Variants in CARMIL3 observed in about 807,000 individuals in gnomAD.
The protein encoded by CARMIL3 is capping protein regulator and myosin 1 linker 3, also known as capping protein, Arp2/3 and myosin-I linker protein 3.
A neutral mutation model predicts 180.8 loss-of-function variants in CARMIL3; 88 were observed. The observed-to-expected ratio is 0.49, with a 90% CI of 0.41 to 0.58. The LOEUF is 0.58. Among genes scored for constraint, CARMIL3 ranks in the 20% least tolerant of loss-of-function variants. CARMIL3 has a pLI of 0.00. For synonymous variants in CARMIL3, 696 were observed against 714.5 expected, an observed-to-expected ratio of 0.97 and a Z score of 0.41; for missense variants, 1,548 against 1,787.0, an observed-to-expected ratio of 0.87 and a Z score of 2.41.
At chr14:24,056,479 T>C in intron 11 of CARMIL3, 86 bp downstream of exon 11, 10 of 1,491,070 alleles carry the variant, frequency 6.7e-6, no homozygotes, top group Non-Finnish European at 9.3e-6. Flanking sequence ...ACAGCAGCTC[T>C]CCAGCCTGAT....
At chr14:24,067,731 T>C (rs2035801195) in intron 36 of CARMIL3, among the ~76,000 whole-genome samples, 1 of 152,254 alleles carries the variant, frequency 6.6e-6, no homozygotes, top group South Asian at 2.1e-4. Flanking sequence ...GAAACCGCAA[T>C]AGTCAGTTGC....
rs1479358644 is a variant in CARMIL3, at chr14:24,059,374, C to T, written c.1731C>T (p.Ser577=). Residue 577 remains serine, a synonymous_variant, in exon 21 of 40, where the codon AGC becomes AGT. Transcript: ENST00000342740. The surrounding 1 kb of genome is among the most constrained non-coding windows in gnomAD (Gnocchi z 6.3). ...SNTCLAKVDL[S]GNGMEDIGAK... ...CCTGCCTGGCCAAGGTGGATCTGAG[C>T]GGCAATGGCATGGAGGACATCGGGG... 2.5e-6 allele frequency: 4 copies of T among 1,612,690 alleles called. No homozygotes were observed. The Admixed American group carries it at 5.0e-5, about 20-fold the overall frequency.
rs374562014 is a variant in CARMIL3 at position 24,054,260 on chromosome 14, G to A, written c.205G>A (p.Val69Ile). 3 of 1,614,044 alleles carry A rather than the reference G, an allele frequency of 1.9e-6. No homozygotes were observed. The change falls in exon 4 of 40, where the codon GTC becomes ATC. Residue 69 changes from valine (V) to isoleucine (I), a missense_variant. Physicochemically the swap from Val to Ile is conservative, Grantham distance 29. This residue lies in a region of CARMIL3 where 578 missense variants were observed against 666.5 expected (regional missense o/e 0.87). Transcript: ENST00000342740. The surrounding 1 kb of genome is among the most constrained non-coding windows in gnomAD (Gnocchi z 5.1). Reference protein sequence around the residue: ...VPAKVESSFNVLEIRAFNTLS... With the variant: ...VPAKVESSFNILEIRAFNTLS... ...CTCCTAGGTGGAGAGCTCCTTCAAT[G>A]TCCTGGAGATCCGTGCCTTCAACAC...
chr14:24,053,343 G>GT (rs2035638144), intron 1 of CARMIL3, among the ~76,000 whole-genome samples: 1 of 151,748 alleles, frequency 6.6e-6, no homozygotes, highest in Non-Finnish European at 1.5e-5. Context: ...CCCCCACACA[G>GT]TGACTCACTT....
chr14:24,057,891 G>A lies in CARMIL3; in HGVS notation c.1217+12G>A, dbSNP rs768438603. ...AGCTGCTCCCACAGGTGGGAGAGGAGGGGGAAGGGAGGACAGGGCAAGACA... is the reference window on the plus strand; with the variant it reads ...AGCTGCTCCCACAGGTGGGAGAGGAAGGGGAAGGGAGGACAGGGCAAGACA... On this transcript the variant is annotated intron_variant, in intron 15 of 39. Transcript: ENST00000342740. The A allele has an allele frequency of 3.7e-6, 6 of 1,613,022 alleles. No individual in the cohort carries two copies. In the Admixed American group the frequency reaches 6.7e-5, roughly 18 times the overall value.
chr14:24,055,210 G>A, intron 7 of CARMIL3, 27 bp from the exon 8 acceptor site: 1 of 1,614,032 alleles, frequency 6.2e-7, no homozygotes, highest in East Asian at 2.2e-5. Flanking sequence ...GTGGGGAGCA[G>A]GTGTGAGCCA....
At chr14:24,065,831 G>T in intron 34 of CARMIL3, 81 bp downstream of exon 34, 1 of 1,555,632 alleles carries the variant, frequency 6.4e-7, no homozygotes, top group Admixed American at 1.9e-5. Context: ...CCTCATCCCT[G>T]GTGGTTCAGT....
In CARMIL3 at chr14:24,054,938, T is replaced by G. The variant is rs940893645; in HGVS notation, c.461-128T>G. On this transcript the variant is annotated intron_variant, in intron 6 of 39. Transcript: ENST00000342740. The surrounding 1 kb of genome is among the most constrained non-coding windows in gnomAD (Gnocchi z 5.1). The stretch of plus-strand genomic sequence containing the variant: ...CTGAAGGACTCCCAGCTCCCAGACC[T>G]CAGGAAGTTCATGGCATAGCAAGAA... 6 of 1,381,606 alleles carry G rather than the reference T, an allele frequency of 4.3e-6. No individual in the cohort carries two copies. In the African/African-American group the frequency reaches 8.6e-5, roughly 20 times the overall value. 85.6% of individuals were successfully genotyped at this position (1,381,606 alleles called of 1,614,324 possible).
chr14:24,057,787 A>G lies in CARMIL3; in HGVS notation c.1141-16A>G. 1 of 1,599,608 alleles carries G rather than the reference A, an allele frequency of 6.3e-7. No individual in the cohort carries two copies. Among genetic ancestry groups the G allele is most frequent in the African/African-American group, 1.4e-5 (1 of 72,340 alleles). ...CCTTCCAGCTCCCCTGAGACCCACC[A>G]TATCTCCCCCCACAGCTTCTCGGTG... On this transcript the variant is annotated splice_polypyrimidine_tract_variant and intron_variant, in intron 14 of 39. Transcript: ENST00000342740.
In CARMIL3 at chr14:24,069,498, C is replaced by T. The variant is rs1365374826; in HGVS notation, c.*94C>T. On this transcript the variant is annotated 3_prime_UTR_variant, in exon 40 of 40. Coordinates refer to ENST00000342740, the MANE Select transcript of CARMIL3 (RefSeq NM_138360.4). ...CAGTCCCCAGGGCCCCCTGCCAGCC[C>T]CTGTCCTACAGGGGCAAGACGGCAG... The T allele has an allele frequency of 6.5e-7, 1 of 1,546,210 alleles. No homozygotes were observed. Among genetic ancestry groups the T allele is most frequent in the Non-Finnish European group, 8.9e-7 (1 of 1,129,402 alleles).
chr14:24,061,093 G>A lies in CARMIL3; in HGVS notation c.2304+53G>A. 6.8e-7 allele frequency: 1 copy of A among 1,480,502 alleles called. No individual in the cohort carries two copies. Among genetic ancestry groups the A allele is most frequent in the Non-Finnish European group, 9.2e-7 (1 of 1,084,798 alleles). 91.7% of individuals were successfully genotyped at this position (1,480,502 alleles called of 1,614,324 possible). ...TGGTGGGAACCTAGTGTTGACTGAG[G>A]CCCTAAGCCCAGAGCTAAAGTCAGA... is the stretch of plus-strand genomic sequence containing the variant. On this transcript the variant is annotated intron_variant, in intron 26 of 39. Coordinates refer to ENST00000342740, the MANE Select transcript of CARMIL3 (RefSeq NM_138360.4). The surrounding 1 kb of genome is among the most constrained non-coding windows in gnomAD (Gnocchi z 4.1).
rs1477636143 is a variant in CARMIL3, at chr14:24,068,837, A to G, written c.3853A>G (p.Arg1285Gly). The G allele has an allele frequency of 1.2e-6, 2 of 1,613,336 alleles. No homozygotes were observed. Among genetic ancestry groups the G allele is most frequent in the South Asian group, 2.2e-5 (2 of 91,060 alleles). The stretch of plus-strand genomic sequence containing the variant: ...GCCTCCCAAGCCAGTGGCTGTGCCC[A>G]GGGGCCGCCAGCCTCCCCAGGAGCC... ...PWPPKPVAVPRGRQPPQEPGV... is the reference protein window; with the variant it reads ...PWPPKPVAVPGGRQPPQEPGV... Residue 1285 changes from arginine to glycine, a missense_variant, in exon 38 of 40, where the codon AGG (arginine) becomes GGG (glycine). Physicochemically the swap from Arg to Gly is moderately radical, Grantham distance 125. Transcript: ENST00000342740.
intron 31 of CARMIL3, among the ~76,000 whole-genome samples, chr14:24,063,963 G>T (rs905344656): frequency 6.6e-6 from 1 of 151,764 alleles, no homozygotes; most frequent in Non-Finnish European, 1.5e-5. Flanking sequence ...GCGTGGTGGC[G>T]CCTGCCTGTA....
Position 24,061,437 on chromosome 14 carries a change from G to C in CARMIL3, c.2305-60G>C, listed in dbSNP as rs1483764184. The C allele has an allele frequency of 1.4e-5, 21 of 1,535,630 alleles. No homozygotes were observed. The highest frequency in any genetic ancestry group is 2.3e-5 in the East Asian group (1 of 44,154). ...TGGAATAGATAAAGTCTCTTCTGCT[G>C]TGGTGCCAGCCCTGATCCTGTCCCC... On this transcript the variant is annotated intron_variant, in intron 26 of 39. Transcript: ENST00000342740. This position sits in a 1 kb window ranked among gnomAD's most constrained non-coding sequence, Gnocchi z 4.1.
At position 24,067,979 on chromosome 14, in the gene CARMIL3, C is replaced by G. The variant is rs548454740; in HGVS notation, c.3683-605C>G. On this transcript the variant is annotated intron_variant, in intron 36 of 39. Transcript: ENST00000342740. The stretch of plus-strand genomic sequence containing the variant: ...CCTGTGGACCCAGCAGGCCCTGGGC[C>G]CTGCCCCAGCAGGAAAGGGGTTGGG... Among the ~76,000 whole-genome samples, 21 of 152,392 alleles carry G rather than the reference C, an allele frequency of 1.4e-4. No homozygotes were observed. In the South Asian group the frequency reaches 4.1e-3, roughly 30 times the overall value.
Position 24,061,678 on chromosome 14 carries a change from A to G in CARMIL3, c.2480+6A>G. 6.2e-7 allele frequency: 1 copy of G among 1,611,670 alleles called. No individual in the cohort carries two copies. The highest frequency in any genetic ancestry group is 8.5e-7 in the Non-Finnish European group (1 of 1,178,688). On this transcript the variant is annotated splice_donor_region_variant and intron_variant, in intron 27 of 39. Transcript: ENST00000342740. The surrounding 1 kb of genome is among the most constrained non-coding windows in gnomAD (Gnocchi z 4.1). ...GACATTCAGAACAAGCTGGAGTGAG[A>G]GGCAAAGGGCAGGGCTGGGGCTGAG...
At chr14:24,067,385 A>G (rs942498342) in intron 36 of CARMIL3, among the ~76,000 whole-genome samples, 1 of 152,194 alleles carries the variant, frequency 6.6e-6, no homozygotes, top group Non-Finnish European at 1.5e-5. Context: ...CTCCAGCAAT[A>G]TTGACATAGA....
At chr14:24,068,446 G>T in intron 36 of CARMIL3, 138 bp from the exon 37 acceptor site, 5 of 600,082 alleles carry the variant, frequency 8.3e-6, no homozygotes, top group East Asian at 3.1e-5. Context: ...AAAGGCACAT[G>T]AAAGGCAGAG....
rs766083742 is a variant in CARMIL3 at position 24,055,790 on chromosome 14, G to A, written c.770+1G>A. On this transcript the variant is annotated splice_donor_variant, in intron 10 of 39. Coordinates refer to ENST00000342740, the MANE Select transcript of CARMIL3 (RefSeq NM_138360.4). LOFTEE classifies it high-confidence loss of function. ...TGCTGGACAACGCCGGGCTTAAGACGTGAGGCCAGTCTCCTCCTTGGGCAG... is the reference window on the plus strand; with the variant it reads ...TGCTGGACAACGCCGGGCTTAAGACATGAGGCCAGTCTCCTCCTTGGGCAG... 2.1e-5 allele frequency: 34 copies of A among 1,613,764 alleles called. 1 individual carries two copies. Among genetic ancestry groups the A allele is most frequent in the South Asian group, 3.3e-5 (3 of 91,076 alleles).
Sources: gnomAD v4.1 joint callset for allele counts (sites outside exome capture counted in the v4.1 genomes callset) on GRCh38, gnomAD v4.1.1 for gene constraint, gnomAD v4.1.1 regional missense constraint, Gnocchi (gnomAD v3.1) non-coding constraint, MANE v1.5 for transcripts, NCBI Gene and HGNC (gene_info 2026-07-23, HGNC 2026-07-21) for gene names.